ORC1: variants seen among roughly 807,000 people sequenced by gnomAD.
The protein encoded by ORC1 is origin recognition complex subunit 1.
A neutral mutation model predicts 98.9 loss-of-function variants in ORC1; 61 were observed. The ratio of observed to expected loss-of-function variants is 0.62; its 90% CI spans 0.50 to 0.76. ORC1 has a LOEUF of 0.76. ORC1 is among the 30% of genes least tolerant of loss of function. The pLI is 0.00. For missense variants in ORC1, 979 were observed against 1,072.2 expected (o/e 0.91, Z 1.21); for synonymous variants, 385 against 406.9 (o/e 0.95, Z 0.65).
chr1:52,381,955 TTTTCA>T (rs1647076330), intron 13 of ORC1, among the ~76,000 whole-genome samples, 194 bp from the exon 14 acceptor site: 2 of 152,278 alleles, frequency 1.3e-5, no homozygotes, highest in South Asian at 4.1e-4. Flanking sequence ...TTGAACTATT[TTTTCA>T]TTTCATTTAA....
At chr1:52,384,812 A>C in intron 10 of ORC1, 91 bp from the exon 11 acceptor site, 2 of 1,162,830 alleles carry the variant, frequency 1.7e-6, no homozygotes, top group Non-Finnish European at 2.5e-6. Context: ...ATACTGAGGG[A>C]AGGACCGAGA....
At chr1:52,382,572 C>CTTTTTTTTTTT (rs3049207) in intron 13 of ORC1, among the ~76,000 whole-genome samples, 1 of 107,410 alleles carries the variant, frequency 9.3e-6, no homozygotes, top group African/African-American at 4.2e-5. Context: ...AGTGCTAAAA[C>CTTTTTTTTTTT]TTTTTTTTTT....
At chr1:52,384,349 C>T (rs906587254) in intron 11 of ORC1, among the ~76,000 whole-genome samples, 2 of 152,196 alleles carry the variant, frequency 1.3e-5, no homozygotes, top group Non-Finnish European at 1.5e-5. Context: ...GGCTTCCTGG[C>T]TTGTAATCAT....
intron 5 of ORC1, among the ~76,000 whole-genome samples, 170 bp from the exon 6 acceptor site, chr1:52,393,973 T>C (rs1482845556): frequency 2.6e-5 from 4 of 152,212 alleles, no homozygotes; most frequent in Non-Finnish European, 5.9e-5. Flanking sequence ...TAATTTTTCA[T>C]CTCTCACCTA....
upstream of ORC1, chr1:52,408,754 C>G (rs1648069138): frequency 1.9e-6 from 3 of 1,573,112 alleles, no homozygotes; most frequent in East Asian, 6.7e-5. Flanking sequence ...ACCAGTACTT[C>G]TACCTTTGCA....
intron 3 of ORC1, among the ~76,000 whole-genome samples, chr1:52,398,731 G>A (rs1011569942): frequency 6.6e-6 from 1 of 152,022 alleles, no homozygotes; most frequent in African/African-American, 2.4e-5. Context: ...ACAGGCGCCC[G>A]CCATCACGCC....
intron 12 of ORC1, 52 bp downstream of exon 12, chr1:52,383,778 G>A (rs909136151): frequency 6.7e-7 from 1 of 1,486,080 alleles, no homozygotes; most frequent in Non-Finnish European, 9.4e-7. Flanking sequence ...TCCAGCACTT[G>A]CTCCTGAGGT....
At position 52,397,670 on chromosome 1, in the gene ORC1, G is replaced by A. The variant is rs1647475454; in HGVS notation, c.402+15C>T. The A allele has an allele frequency of 1.9e-6, 3 of 1,613,224 alleles. No homozygotes were observed. The highest frequency in any genetic ancestry group is 1.7e-5 in the Admixed American group (1 of 59,986). On this transcript the variant is annotated intron_variant, in intron 4 of 16. Coordinates refer to ENST00000371568, the MANE Select transcript of ORC1 (RefSeq NM_004153.4). ...TAAGCTTCAAGGTAGAACCAAGGAT[G>A]GTGGCATCACCTACCCGAACAAGGC...
upstream of ORC1, among the ~76,000 whole-genome samples, chr1:52,408,027 G>A (rs1232924612): frequency 6.6e-6 from 1 of 152,256 alleles, no homozygotes; most frequent in Non-Finnish European, 1.5e-5. Context: ...CTGCACTCCA[G>A]CCTGGGCAAC....
At chr1:52,385,094 C>T (rs1389281324) in intron 10 of ORC1, 67 bp downstream of exon 10, 3 of 990,264 alleles carry the variant, frequency 3.0e-6, no homozygotes, top group Non-Finnish European at 4.9e-6. Flanking sequence ...TGAACTGTAA[C>T]ACCCAAGGCA....
chr1:52,391,312 C>CAAA (rs57169076), intron 6 of ORC1, among the ~76,000 whole-genome samples: 51 of 70,128 alleles, frequency 7.3e-4, no homozygotes, highest in Middle Eastern at 0.018. Flanking sequence ...GACTCCATCT[C>CAAA]AAAAAAAAAA....
At chr1:52,387,633 T>C (rs529392677) in intron 8 of ORC1, among the ~76,000 whole-genome samples, 2 of 152,284 alleles carry the variant, frequency 1.3e-5, no homozygotes, top group African/African-American at 4.8e-5. Flanking sequence ...AATTTTTGTA[T>C]TTTAAGCAGA....
rs1557573609 is a variant in ORC1 at position 52,383,485 on chromosome 1, G to A, written c.1948C>T (p.Leu650=). 2.5e-6 allele frequency: 4 copies of A among 1,613,650 alleles called. No homozygotes were observed. Among genetic ancestry groups the A allele is most frequent in the African/African-American group, 1.3e-5 (1 of 75,042 alleles). ...PTHKEARLVV[L]AIANTMDLPE... ...AGGTCCATTGTGTTGGCAATTGCCA[G>A]GACCACAAGCCGGGCCTCCTTATGA... The change falls in exon 13 of 17, where the codon CTG becomes TTG. Residue 650 remains leucine, a synonymous_variant. Coordinates refer to ENST00000371568, the MANE Select transcript of ORC1 (RefSeq NM_004153.4).
chr1:52,407,645 G>T (rs372747097), upstream of ORC1, among the ~76,000 whole-genome samples: 3 of 152,222 alleles, frequency 2.0e-5, no homozygotes, highest in African/African-American at 7.2e-5. Flanking sequence ...ATATGGCCAG[G>T]TGTGGTGGCT....
chr1:52,404,010 T>G (rs1323805227), intron 1 of ORC1, among the ~76,000 whole-genome samples: 1 of 152,208 alleles, frequency 6.6e-6, no homozygotes, highest in African/African-American at 2.4e-5. Context: ...GCTGTTGGCT[T>G]CCGCCTTCCC....
chr1:52,373,898 G>A (rs1254505629), intron 16 of ORC1, among the ~76,000 whole-genome samples: 1 of 152,188 alleles, frequency 6.6e-6, no homozygotes, highest in Non-Finnish European at 1.5e-5. Context: ...AATAAAGGGA[G>A]GCAGGAGGAT....
chr1:52,389,372 G>C, intron 6 of ORC1, 51 bp from the exon 7 acceptor site: 1 of 1,294,558 alleles, frequency 7.7e-7, no homozygotes. Context: ...ATACCAGAGT[G>C]TACAAAAGGC....
chr1:52,373,600 A>C (rs1646961712), intron 16 of ORC1, among the ~76,000 whole-genome samples: 1 of 152,130 alleles, frequency 6.6e-6, no homozygotes, highest in African/African-American at 2.4e-5. Context: ...GCTACCATTT[A>C]CCTAAATATG....
At position 52,381,639 on chromosome 1, in the gene ORC1, T is replaced by G. The variant is rs781342792; in HGVS notation, c.2133+3A>C. On this transcript the variant is annotated splice_donor_region_variant and intron_variant, in intron 14 of 16. Transcript: ENST00000371568. ...TGATTTATGGGTGCAGCTGGTGACT[T>G]ACCTTCCTGGCTACCAGCTGGATGG... 13 of 1,612,216 alleles carry G rather than the reference T, an allele frequency of 8.1e-6. No individual in the cohort carries two copies. Among genetic ancestry groups the G allele is most frequent in the Non-Finnish European group, 1.1e-5 (13 of 1,179,566 alleles).
Sources: allele counts gnomAD v4.1 joint callset (sites outside exome capture counted in the v4.1 genomes callset), GRCh38; gene constraint gnomAD v4.1.1; transcripts MANE v1.5; gene names NCBI Gene and HGNC (gene_info 2026-07-23, HGNC 2026-07-21).